PTGIS: variants seen among roughly 807,000 people sequenced by gnomAD.
The protein encoded by PTGIS is prostaglandin I2 synthase, also known as prostacyclin synthase.
PTGIS carries 45 observed loss-of-function variants against 50.3 expected under a neutral mutation model. That is an observed-to-expected ratio of 0.90 (90% CI 0.70 to 1.15). PTGIS has a LOEUF of 1.15. Among genes scored for constraint, PTGIS ranks in the 50% most tolerant of loss-of-function variants. The pLI is 0.00. For missense variants in PTGIS, 668 were observed against 661.3 expected, an observed-to-expected ratio of 1.01 and a Z score of -0.11; for synonymous variants, 260 against 267.7, an observed-to-expected ratio of 0.97 and a Z score of 0.28.
At chr20:49,515,257 G>A (rs553122049) in intron 6 of PTGIS, among the ~76,000 whole-genome samples, 11 of 152,286 alleles carry the variant, frequency 7.2e-5, no homozygotes, top group African/African-American at 2.2e-4. Flanking sequence ...AAACAAAGCC[G>A]CAATCATCAT....
At chr20:49,536,868 T>A (rs1196253307) in intron 5 of PTGIS, among the ~76,000 whole-genome samples, 2 of 152,096 alleles carry the variant, frequency 1.3e-5, no homozygotes, top group East Asian at 1.9e-4. Flanking sequence ...GCAGATGAGA[T>A]CGCTGAGGCA....
At position 49,507,098 on chromosome 20, in the gene PTGIS, C is replaced by T. The variant is rs1981174004; in HGVS notation, c.*822G>A. On this transcript the variant is annotated 3_prime_UTR_variant, in exon 10 of 10. Transcript: ENST00000244043. ...CAGTTGGGGCTTCTGCACTAGAATG[C>T]ATGAAATCGGCACCTTCTTTTTTGG... 1 of 152,410 alleles carries T rather than the reference C, an allele frequency of 6.6e-6. No individual in the cohort carries two copies. Among genetic ancestry groups the T allele is most frequent in the Non-Finnish European group, 1.5e-5 (1 of 68,226 alleles). 9.4% of individuals were successfully genotyped at this position (152,410 alleles called of 1,614,324 possible). A position where few individuals can be genotyped will look rare whatever the true frequency, so the allele number is the denominator to read the frequency against.
Position 49,546,890 on chromosome 20 carries a change from G to A in PTGIS, c.377+951C>T, listed in dbSNP as rs1321490028. On this transcript the variant is annotated intron_variant, in intron 3 of 9. Coordinates refer to ENST00000244043, the MANE Select transcript of PTGIS (RefSeq NM_000961.4). Reference sequence around the variant, plus strand: ...TACAATGGGTCCTCAGATGTCTGCTGAATGAATGCAGAGCAAACATGTTCA... The same window carrying A: ...TACAATGGGTCCTCAGATGTCTGCTAAATGAATGCAGAGCAAACATGTTCA... Among the ~76,000 whole-genome samples the A allele has an allele frequency of 6.6e-5, 10 of 152,224 alleles. No homozygotes were observed. The South Asian group carries it at 1.0e-3, about 16-fold the overall frequency.
intron 5 of PTGIS, among the ~76,000 whole-genome samples, chr20:49,531,835 TGCCCAG>T (rs1380932820): frequency 6.6e-6 from 1 of 152,164 alleles, no homozygotes; most frequent in African/African-American, 2.4e-5. Flanking sequence ...CTGTCTATAT[TGCCCAG>T]GCTGGCCTCA....
In PTGIS at chr20:49,548,025, G is replaced by T; in HGVS notation, c.199-6C>A. On this transcript the variant is annotated splice_polypyrimidine_tract_variant and splice_region_variant and intron_variant, in intron 2 of 9. Transcript: ENST00000244043. ...TACCTGCCCCCAACCAGTATCTGTG[G>T]GAAGTTGCCAGGGATAGAGTGAGGA... 6.2e-7 allele frequency: 1 copy of T among 1,613,698 alleles called. No homozygotes were observed. Among genetic ancestry groups the T allele is most frequent in the Non-Finnish European group, 8.5e-7 (1 of 1,179,780 alleles).
At position 49,513,082 on chromosome 20, in the gene PTGIS, C is replaced by G; in HGVS notation, c.1204G>C (p.Glu402Gln). The change falls in exon 8 of 10, where the codon GAG becomes CAG. Residue 402 changes from glutamate (E) to glutamine (Q), a missense_variant and splice_region_variant. Transcript: ENST00000244043. ...GACCAGGCGCCCCTGCCATTTACCT[C>G]TGGGTCTGTGTAGATTTCTGGGTCT... ...QRDPEIYTDP[E>Q]VFKYNRFLNP... 6.2e-7 allele frequency: 1 copy of G among 1,614,180 alleles called. No homozygotes were observed. Among genetic ancestry groups the G allele is most frequent in the Non-Finnish European group, 8.5e-7 (1 of 1,180,032 alleles).
rs772963392 is a variant in PTGIS, at chr20:49,535,396, G to A, written c.673+4174C>T. Among the ~76,000 whole-genome samples, 71 of 152,282 alleles carry A rather than the reference G, an allele frequency of 4.7e-4. 1 individual carries two copies. The highest frequency in any genetic ancestry group is 3.4e-3 in the Middle Eastern group (1 of 294). ...TAACCAGATGGTAGAACAGATACAA[G>A]TACAATGAAATGGTATAAAAGCAAA... On this transcript the variant is annotated intron_variant, in intron 5 of 9. Transcript: ENST00000244043.
chr20:49,538,667 A>G (rs1366608061), intron 5 of PTGIS, among the ~76,000 whole-genome samples: 2 of 98,020 alleles, frequency 2.0e-5, no homozygotes, highest in Admixed American at 9.0e-5. Context: ...CAGTGCATTT[A>G]TTTATTTATT....
At chr20:49,551,371 C>T (rs1240868162) in intron 1 of PTGIS, among the ~76,000 whole-genome samples, 1 of 152,166 alleles carries the variant, frequency 6.6e-6, no homozygotes, top group East Asian at 1.9e-4. Flanking sequence ...TACCTGGAGG[C>T]TTCATCTGCA....
At chr20:49,516,456 G>A (rs1981480561) in intron 6 of PTGIS, among the ~76,000 whole-genome samples, 1 of 151,608 alleles carries the variant, frequency 6.6e-6, no homozygotes, top group African/African-American at 2.4e-5. Flanking sequence ...TCTATTTTTT[G>A]TAAAGATGAG....
At chr20:49,552,087 TAA>T (rs1282808940) in intron 1 of PTGIS, among the ~76,000 whole-genome samples, 3 of 152,124 alleles carry the variant, frequency 2.0e-5, no homozygotes, top group Admixed American at 2.0e-4. Flanking sequence ...TATGAAACCC[TAA>T]GAGTGTAAAA....
intron 5 of PTGIS, among the ~76,000 whole-genome samples, chr20:49,529,356 G>A (rs1224940658): frequency 6.6e-5 from 10 of 152,008 alleles, no homozygotes; most frequent in Admixed American, 5.9e-4. Context: ...GACATAATGC[G>A]GTATTTGATT....
intron 5 of PTGIS, among the ~76,000 whole-genome samples, chr20:49,533,301 T>C (rs1981982855): frequency 6.6e-6 from 1 of 152,148 alleles, no homozygotes; most frequent in Non-Finnish European, 1.5e-5. Context: ...TTCTTTGATA[T>C]AAGAATGCCT....
intron 5 of PTGIS, among the ~76,000 whole-genome samples, chr20:49,526,908 G>C (rs187482845): frequency 1.3e-3 from 198 of 152,296 alleles, no homozygotes; most frequent in Non-Finnish European, 1.0e-3. Flanking sequence ...CTGTGAAAAA[G>C]AGTTTAGCAG....
chr20:49,509,901 T>TTTC (rs1187075482), intron 9 of PTGIS, among the ~76,000 whole-genome samples: 1 of 131,828 alleles, frequency 7.6e-6, no homozygotes, highest in Non-Finnish European at 1.6e-5. Flanking sequence ...TTTTTTTTTT[T>TTTC]TTCTGGAGAC....
At chr20:49,567,452 C>A (rs563646288) in intron 1 of PTGIS, among the ~76,000 whole-genome samples, 3 of 152,346 alleles carry the variant, frequency 2.0e-5, no homozygotes, top group African/African-American at 7.2e-5. Context: ...CGACCCCCGT[C>A]TTCCAGACGG....
chr20:49,553,268 T>C (rs1358008359), intron 1 of PTGIS, among the ~76,000 whole-genome samples: 2 of 152,094 alleles, frequency 1.3e-5, no homozygotes, highest in Non-Finnish European at 2.9e-5. Context: ...TGTGTAACTT[T>C]TTGATAAATA....
At chr20:49,524,954 T>C (rs1162209846) in intron 5 of PTGIS, among the ~76,000 whole-genome samples, 3 of 152,206 alleles carry the variant, frequency 2.0e-5, no homozygotes, top group Admixed American at 6.5e-5. Flanking sequence ...TGGTAGTTCT[T>C]TCCAGAGCAG....
chr20:49,568,124 C>A lies in PTGIS; in HGVS notation c.-8G>T. Reference sequence around the variant, plus strand: ...GAGCGCGGCCCAAGCCATCGCGGGGCTGGCGGGGCTGGCGGGGCTGGCGGG... The same window carrying A: ...GAGCGCGGCCCAAGCCATCGCGGGGATGGCGGGGCTGGCGGGGCTGGCGGG... On this transcript the variant is annotated 5_prime_UTR_variant, in exon 1 of 10. Coordinates refer to ENST00000244043, the MANE Select transcript of PTGIS (RefSeq NM_000961.4). 1 of 1,095,992 alleles carries A rather than the reference C, an allele frequency of 9.1e-7. No individual in the cohort carries two copies. The highest frequency in any genetic ancestry group is 2.3e-5 in the South Asian group (1 of 43,088). The allele number at this position is 1,095,992 out of a possible 1,614,324, so 67.9% of individuals were successfully genotyped here.
Sources: gnomAD v4.1 joint callset for allele counts (sites outside exome capture counted in the v4.1 genomes callset) on GRCh38, gnomAD v4.1.1 for gene constraint, MANE v1.5 for transcripts, NCBI Gene and HGNC (gene_info 2026-07-23, HGNC 2026-07-21) for gene names.